MCM3AP: variants seen among roughly 807,000 people sequenced by gnomAD.
MCM3AP encodes germinal-center associated nuclear protein.
In MCM3AP, 126 loss-of-function variants were observed where a neutral mutation model predicts 184.1. The ratio of observed to expected loss-of-function variants is 0.68; its 90% CI spans 0.59 to 0.79. The LOEUF (loss-of-function observed/expected upper bound fraction) is 0.79. Among genes scored for constraint, MCM3AP ranks in the 30% least tolerant of loss-of-function variants. MCM3AP has a pLI of 0.00. For missense variants in MCM3AP, 2,496 were observed against 2,479.2 expected, an observed-to-expected ratio of 1.01 and a Z score of -0.14; for synonymous variants, 1,002 against 979.3, an observed-to-expected ratio of 1.02 and a Z score of -0.43.
chr21:46,269,244 G>C (rs2081150469), intron 9 of MCM3AP, among the ~76,000 whole-genome samples: 1 of 151,894 alleles, frequency 6.6e-6, no homozygotes, highest in Admixed American at 6.6e-5. Context: ...CTCCTGAGTA[G>C]CTGGGACTAC....
chr21:46,274,938 CAAAAA>C (rs35282554), intron 6 of MCM3AP, among the ~76,000 whole-genome samples: 8 of 97,028 alleles, frequency 8.2e-5, no homozygotes, highest in Admixed American at 3.5e-4. Flanking sequence ...GACCCTGTCT[CAAAAA>C]AAAAAAAAAA....
At position 46,284,325 on chromosome 21, in the gene MCM3AP, G is replaced by A. The variant is rs770457373; in HGVS notation, c.962C>T (p.Pro321Leu). Residue 321 changes from proline to leucine, a missense_variant, in exon 1 of 28, where the codon CCT becomes CTT. Pro to Leu is a moderately conservative substitution (Grantham distance 98). This residue lies in a region of MCM3AP where 800 missense variants were observed against 717.1 expected (regional missense o/e 1.12). Transcript: ENST00000291688. ...CAGGCGGACAGGTCGTTTGTCTGGA[G>A]GATGATCGCCCCGGGACAGAGGATC... is the stretch of plus-strand genomic sequence containing the variant. ...DSDPLSRGDH[P>L]PDKRPVRLNR... is the part of the protein sequence containing the mutation. 34 of 1,614,080 alleles carry A rather than the reference G, an allele frequency of 2.1e-5. No homozygotes were observed. The highest frequency in any genetic ancestry group is 2.5e-5 in the Non-Finnish European group (29 of 1,180,046).
chr21:46,254,521 A>AC lies in MCM3AP; in HGVS notation c.4006dup (p.Val1336GlyfsTer14). 6.2e-7 allele frequency: 1 copy of AC among 1,614,070 alleles called. No homozygotes were observed. Among genetic ancestry groups the AC allele is most frequent in the Non-Finnish European group, 8.5e-7 (1 of 1,180,044 alleles). Reference sequence around the variant, plus strand: ...TGGCAGGTCCAGAGACGCCCATGCCACATCACTGGGAGGAACAGACCACCG... The same window carrying AC: ...TGGCAGGTCCAGAGACGCCCATGCCACCATCACTGGGAGGAACAGACCACCG... On this transcript the variant is annotated frameshift_variant, in exon 19 of 28. Transcript: ENST00000291688. LOFTEE classifies it high-confidence loss of function.
At chr21:46,239,910 G>T (rs1332026985) in intron 26 of MCM3AP, among the ~76,000 whole-genome samples, 1 of 152,148 alleles carries the variant, frequency 6.6e-6, no homozygotes, top group Non-Finnish European at 1.5e-5. Context: ...CAAGGACTGG[G>T]ATTCACGGTC....
chr21:46,260,389 G>A (rs1319019169), intron 15 of MCM3AP, among the ~76,000 whole-genome samples: 1 of 152,200 alleles, frequency 6.6e-6, no homozygotes, highest in Non-Finnish European at 1.5e-5. Context: ...GAGCTTAAGT[G>A]ATCTTTGCAC....
At position 46,284,744 on chromosome 21, in the gene MCM3AP, T is replaced by C. The variant is rs367576010; in HGVS notation, c.543A>G (p.Pro181=). 6.2e-6 allele frequency: 10 copies of C among 1,613,834 alleles called. No individual in the cohort carries two copies. In the African/African-American group the frequency reaches 1.2e-4, roughly 19 times the overall value. The part of the protein sequence containing the change: ...IASGFFTFSH[P]ISSAPGGLAP... ...CCAGGCCTCCAGGTGCACTACTAATTGGGTGGGAAAATGTAAAAAACCCAG... is the reference window on the plus strand; with the variant it reads ...CCAGGCCTCCAGGTGCACTACTAATCGGGTGGGAAAATGTAAAAAACCCAG... Residue 181 remains proline (P), a synonymous_variant, in exon 1 of 28, where the codon CCA becomes CCG. Transcript: ENST00000291688.
chr21:46,270,410 G>A lies in MCM3AP; in HGVS notation c.2619C>T (p.Tyr873=), dbSNP rs2145689741. The A allele has an allele frequency of 1.2e-6, 2 of 1,611,878 alleles. No individual in the cohort carries two copies. The highest frequency in any genetic ancestry group is 1.7e-6 in the Non-Finnish European group (2 of 1,179,258). ...CAGCTCATTTACTCACCTGACTGAA[G>A]TAACAGTGTAAAAGACAAGCGTTCA... is the stretch of plus-strand genomic sequence containing the variant. ...SYLNACLLHC[Y]FSQIRKDALR... is the part of the protein sequence containing the mutation. The change falls in exon 9 of 28, where the codon TAC becomes TAT. Residue 873 remains tyrosine, a synonymous_variant. Coordinates refer to ENST00000291688, the MANE Select transcript of MCM3AP (RefSeq NM_003906.5).
chr21:46,257,695 C>T lies in MCM3AP; in HGVS notation c.3735-709G>A, dbSNP rs892957271. Among the ~76,000 whole-genome samples, 6 of 151,546 alleles carry T rather than the reference C, an allele frequency of 4.0e-5. 1 individual carries two copies. Among genetic ancestry groups the T allele is most frequent in the Admixed American group, 3.3e-4 (5 of 15,206 alleles). ...CAGCACTTTGGGAGGCCGAGGCGGG[C>T]GGATCACGAGGTCAGGAGTTCGAGA... On this transcript the variant is annotated intron_variant, in intron 16 of 27. Coordinates refer to ENST00000291688, the MANE Select transcript of MCM3AP (RefSeq NM_003906.5).
intron 2 of MCM3AP, among the ~76,000 whole-genome samples, chr21:46,281,726 C>G (rs1467475187): frequency 6.6e-6 from 1 of 152,100 alleles, no homozygotes; most frequent in African/African-American, 2.4e-5. Flanking sequence ...CAAGGCCAGG[C>G]ATGGTGGCTC....
Position 46,284,455 on chromosome 21 carries a change from C to A in MCM3AP, c.832G>T (p.Val278Phe), listed in dbSNP as rs562887328. Residue 278 changes from valine (V) to phenylalanine (F), a missense_variant, in exon 1 of 28, where the codon GTT (valine) becomes TTT (phenylalanine). Physicochemically the swap from Val to Phe is conservative, Grantham distance 50 (BLOSUM62 -1). This residue lies in a region of MCM3AP where 800 missense variants were observed against 717.1 expected (regional missense o/e 1.12). Coordinates refer to ENST00000291688, the MANE Select transcript of MCM3AP (RefSeq NM_003906.5). ...AGVRQGCEEAVSQVEPLPSLM... is the reference protein window; with the variant it reads ...AGVRQGCEEAFSQVEPLPSLM... The stretch of plus-strand genomic sequence containing the variant: ...CTGGGAAGTGGTTCCACCTGGGAAA[C>A]AGCTTCTTCACACCCCTGCCTGACA... 406 of 1,614,154 alleles carry A rather than the reference C, an allele frequency of 2.5e-4. 6 individuals are homozygous for A. The South Asian group carries it at 4.3e-3, about 17-fold the overall frequency.
intron 2 of MCM3AP, among the ~76,000 whole-genome samples, chr21:46,280,916 TGCCTCA>T (rs1489142791): frequency 6.6e-6 from 1 of 152,116 alleles, no homozygotes; most frequent in African/African-American, 2.4e-5. Flanking sequence ...TGCATTCTCC[TGCCTCA>T]GCCTCCTGAG....
intron 16 of MCM3AP, among the ~76,000 whole-genome samples, chr21:46,257,658 C>T (rs569674770): frequency 1.6e-4 from 24 of 151,976 alleles, no homozygotes; most frequent in African/African-American, 3.9e-4. Context: ...CGGTGGCTCA[C>T]GCCTGTAATC....
In MCM3AP at chr21:46,266,164, C is replaced by G; in HGVS notation, c.2792G>C (p.Cys931Ser). The G allele has an allele frequency of 6.2e-7, 1 of 1,601,694 alleles. No homozygotes were observed. The highest frequency in any genetic ancestry group is 2.2e-5 in the East Asian group (1 of 44,630). The part of the protein sequence containing the change: ...TCHGLTVSDG[C>S]VELNRSAFLE... ...GAATGCAGACCGGTTCAGCTCCACACAGCTACCCAGACCACAAAAGACCCC... is the reference window on the plus strand; with the variant it reads ...GAATGCAGACCGGTTCAGCTCCACAGAGCTACCCAGACCACAAAAGACCCC... The change falls in exon 11 of 28, where the codon TGT becomes TCT. Residue 931 changes from cysteine to serine, a missense_variant and splice_region_variant. Cys to Ser is a moderately radical substitution (Grantham distance 112). Transcript: ENST00000291688.
chr21:46,284,741 A>C lies in MCM3AP; in HGVS notation c.546T>G (p.Ile182Met), dbSNP rs1371081032. The change falls in exon 1 of 28, where the codon ATT becomes ATG. Residue 182 changes from isoleucine to methionine, a missense_variant. This residue lies in a region of MCM3AP where 800 missense variants were observed against 717.1 expected (regional missense o/e 1.12). Transcript: ENST00000291688. Reference protein sequence around the residue: ...ASGFFTFSHPISSAPGGLAPF... With the variant: ...ASGFFTFSHPMSSAPGGLAPF... ...GGGCCAGGCCTCCAGGTGCACTACT[A>C]ATTGGGTGGGAAAATGTAAAAAACC... The C allele has an allele frequency of 1.2e-6, 2 of 1,613,786 alleles. No individual in the cohort carries two copies. The highest frequency in any genetic ancestry group is 1.3e-5 in the African/African-American group (1 of 74,872).
At chr21:46,235,949 TATC>T (rs1411369144) in intron 27 of MCM3AP, among the ~76,000 whole-genome samples, 4 of 152,222 alleles carry the variant, frequency 2.6e-5, no homozygotes, top group Non-Finnish European at 5.9e-5. Flanking sequence ...TTTTAGAAAA[TATC>T]ATCGTCAAGG....
chr21:46,266,603 G>GT, intron 10 of MCM3AP: 1 of 264,906 alleles, frequency 3.8e-6, no homozygotes, highest in South Asian at 6.1e-5. Flanking sequence ...ACTCTGACTG[G>GT]TAAGTACCGG....
intron 18 of MCM3AP, 102 bp downstream of exon 18, chr21:46,254,674 C>G (rs181609493): frequency 1.4e-6 from 2 of 1,418,412 alleles, no homozygotes; most frequent in African/African-American, 2.8e-5. Flanking sequence ...TGGAGCTCAT[C>G]GAAGAGACCT....
At chr21:46,255,356 C>T (rs17176681) in intron 17 of MCM3AP, among the ~76,000 whole-genome samples, 1 of 152,120 alleles carries the variant, frequency 6.6e-6, no homozygotes, top group Admixed American at 6.5e-5. Context: ...GTCCACAATG[C>T]AGAGACTCGG....
In MCM3AP at chr21:46,264,161, C is replaced by G. The variant is rs2081077712; in HGVS notation, c.3291G>C (p.Glu1097Asp). ...AGGCAGCACCCGCAGAGCCAACTTC[C>G]TCACAGTCCCTCTGCAGGGCCTCCT... The part of the protein sequence containing the change: ...LIQEALQRDC[E>D]EVGSAGAAYA... The change falls in exon 13 of 28, where the codon GAG (glutamate) becomes GAC (aspartate). Residue 1097 changes from glutamate to aspartate, a missense_variant. Transcript: ENST00000291688. The G allele has an allele frequency of 6.2e-7, 1 of 1,613,858 alleles. No individual in the cohort carries two copies. Among genetic ancestry groups the G allele is most frequent in the African/African-American group, 1.3e-5 (1 of 74,934 alleles).
Sources: allele counts gnomAD v4.1 joint callset (sites outside exome capture counted in the v4.1 genomes callset), GRCh38; gene constraint gnomAD v4.1.1; regional missense constraint gnomAD v4.1.1; transcripts MANE v1.5; gene names NCBI Gene and HGNC (gene_info 2026-07-23, HGNC 2026-07-21).